SLC22A2: variants seen among roughly 807,000 people sequenced by gnomAD.
The protein encoded by SLC22A2 is organic cation transporter 2.
SLC22A2 carries 46 observed loss-of-function variants against 60.5 expected under a neutral mutation model. That is an observed-to-expected ratio of 0.76 (90% CI 0.60 to 0.97). The LOEUF (loss-of-function observed/expected upper bound fraction) is 0.97. Ranked by LOEUF, SLC22A2 falls within the 50% of genes least tolerant of loss-of-function variation. The probability of loss-of-function intolerance (pLI) is 0.00; values close to 1 mark genes in which losing one functional copy is unlikely to be tolerated. For synonymous variants in SLC22A2, 303 were observed against 267.0 expected (o/e 1.13, Z -1.31); for missense variants, 701 against 706.6 (o/e 0.99, Z 0.09).
chr6:160,217,340 G>A lies in SLC22A2; in HGVS notation c.*92C>T, dbSNP rs1411987348. The A allele has an allele frequency of 1.3e-6, 1 of 768,638 alleles. No individual in the cohort carries two copies. Among genetic ancestry groups the A allele is most frequent in the Non-Finnish European group, 2.2e-6 (1 of 459,908 alleles). 47.6% of individuals were successfully genotyped at this position (768,638 alleles called of 1,614,324 possible). ...AGGGCTCAGGGGTAAGTTTGGTTGA[G>A]TTGTATGGGCTTTGTGATGAGTGCA... On this transcript the variant is annotated 3_prime_UTR_variant, in exon 11 of 11. Coordinates refer to ENST00000366953, the MANE Select transcript of SLC22A2 (RefSeq NM_003058.4).
chr6:160,228,189 G>A (rs1186910428), intron 9 of SLC22A2, among the ~76,000 whole-genome samples: 2 of 152,168 alleles, frequency 1.3e-5, no homozygotes, highest in Non-Finnish European at 2.9e-5. Flanking sequence ...TTGGGGTCTG[G>A]ATCGGACACC....
intron 2 of SLC22A2, among the ~76,000 whole-genome samples, chr6:160,254,361 C>CT (rs767626448): frequency 7.2e-5 from 11 of 152,096 alleles, no homozygotes; most frequent in Non-Finnish European, 1.6e-4. Flanking sequence ...TGAGGAATTG[C>CT]TTTTTTGTCT....
chr6:160,221,209 T>C (rs1046913103), intron 10 of SLC22A2, among the ~76,000 whole-genome samples: 36 of 152,244 alleles, frequency 2.4e-4, no homozygotes, highest in African/African-American at 8.4e-4. Context: ...TGCTGCTTCA[T>C]TTTGCACTTT....
chr6:160,218,294 A>G, intron 10 of SLC22A2: 1 of 186,278 alleles, frequency 5.4e-6, no homozygotes, highest in Non-Finnish European at 1.0e-5. Flanking sequence ...GCCAACAACA[A>G]TAACAACAAC....
intron 9 of SLC22A2, among the ~76,000 whole-genome samples, chr6:160,238,057 GC>G (rs1300406530): frequency 1.3e-5 from 2 of 152,220 alleles, no homozygotes; most frequent in Non-Finnish European, 2.9e-5. Flanking sequence ...GCAACAAGCA[GC>G]CCTCAGGGCT....
chr6:160,247,356 C>T (rs1562437214), intron 4 of SLC22A2, 58 bp from the exon 5 acceptor site: 4 of 896,654 alleles, frequency 4.5e-6, no homozygotes, highest in Admixed American at 3.7e-5. Flanking sequence ...CCCCATCCCC[C>T]ATTTTTTTAT....
intron 9 of SLC22A2, among the ~76,000 whole-genome samples, chr6:160,239,313 G>A (rs1263164060): frequency 6.6e-6 from 1 of 152,106 alleles, no homozygotes; most frequent in East Asian, 1.9e-4. Context: ...TCCACTCCTT[G>A]TTTAGCATAT....
chr6:160,226,664 A>G, intron 9 of SLC22A2, among the ~76,000 whole-genome samples: 1 of 152,154 alleles, frequency 6.6e-6, no homozygotes, highest in Admixed American at 6.5e-5. Context: ...AGGCTGCCTG[A>G]TTCTCGAATC....
intron 7 of SLC22A2, 134 bp downstream of exon 7, chr6:160,243,438 C>T (rs1783043131): frequency 1.4e-6 from 1 of 718,838 alleles, no homozygotes; most frequent in Non-Finnish European, 2.4e-6. Context: ...CAGAAGGGTC[C>T]CAGATACTGC....
chr6:160,232,557 A>G (rs1782841415), intron 9 of SLC22A2, among the ~76,000 whole-genome samples: 1 of 133,600 alleles, frequency 7.5e-6, no homozygotes, highest in Non-Finnish European at 1.6e-5. Context: ...AGGGTCCTCC[A>G]TCATTAATGC....
At position 160,247,214 on chromosome 6, in the gene SLC22A2, T is replaced by G. The variant is rs201491459; in HGVS notation, c.927A>C (p.Lys309Asn). Residue 309 changes from lysine to asparagine, a missense_variant, in exon 5 of 11, where the codon AAA becomes AAC. Transcript: ENST00000366953. The part of the protein sequence containing the change: ...AMRIIKHIAK[K>N]NGKSLPASLQ... ...GGGAGGCGGGTAGAGATTTTCCATT[T>G]TTCTTTGCGATGTGCTTAATGATTC... The G allele has an allele frequency of 2.5e-5, 41 of 1,612,648 alleles. No homozygotes were observed. Among genetic ancestry groups the G allele is most frequent in the Non-Finnish European group, 3.1e-5 (37 of 1,178,764 alleles).
intron 9 of SLC22A2, among the ~76,000 whole-genome samples, chr6:160,236,451 T>C (rs768007616): frequency 7.9e-5 from 12 of 152,240 alleles, no homozygotes; most frequent in Non-Finnish European, 1.3e-4. Context: ...GTGAAAAACT[T>C]TGGAGCACAT....
intron 9 of SLC22A2, among the ~76,000 whole-genome samples, chr6:160,238,178 C>G (rs1203973665): frequency 6.6e-6 from 1 of 152,214 alleles, no homozygotes; most frequent in Non-Finnish European, 1.5e-5. Flanking sequence ...GATCCAAGAA[C>G]CCTCTCTTGG....
In SLC22A2 at chr6:160,233,424, G is replaced by C. The variant is rs537690097; in HGVS notation, c.1501+8050C>G. 7.9e-5 allele frequency among the ~76,000 whole-genome samples: 12 copies of C among 151,790 alleles called. No individual in the cohort carries two copies. In the East Asian group the frequency reaches 2.1e-3, roughly 27 times the overall value. Reference sequence around the variant, plus strand: ...TACCCCTTATCATCCTCAATCTTCAGGAAAGGTAAAATGGACTAATGGTCT... The same window carrying C: ...TACCCCTTATCATCCTCAATCTTCACGAAAGGTAAAATGGACTAATGGTCT... On this transcript the variant is annotated intron_variant, in intron 9 of 10. Transcript: ENST00000366953.
intron 2 of SLC22A2, among the ~76,000 whole-genome samples, 179 bp from the exon 3 acceptor site, chr6:160,250,881 A>G (rs956574047): frequency 3.3e-5 from 5 of 152,208 alleles, no homozygotes. Context: ...TCCAGGTAGC[A>G]CTTTTCATCA....
At chr6:160,246,639 A>C (rs1046717779) in intron 5 of SLC22A2, among the ~76,000 whole-genome samples, 3 of 152,060 alleles carry the variant, frequency 2.0e-5, no homozygotes, top group Admixed American at 1.3e-4. Flanking sequence ...TCTGGCTACT[A>C]GGGAGGCTGA....
At chr6:160,240,597 G>A (rs1359962978) in intron 9 of SLC22A2, among the ~76,000 whole-genome samples, 1 of 152,184 alleles carries the variant, frequency 6.6e-6, no homozygotes, top group Non-Finnish European at 1.5e-5. Context: ...CTGGAAGAGG[G>A]TGTTGCATGA....
In SLC22A2 at chr6:160,258,341, T is replaced by C; in HGVS notation, c.414+3A>G. Reference sequence around the variant, plus strand: ...CATCTGAGCCCTGAGCTCACTCTCTTACCTCGGTGACGATGGACGAGCCAG... The same window carrying C: ...CATCTGAGCCCTGAGCTCACTCTCTCACCTCGGTGACGATGGACGAGCCAG... On this transcript the variant is annotated splice_donor_region_variant and intron_variant, in intron 1 of 10. Coordinates refer to ENST00000366953, the MANE Select transcript of SLC22A2 (RefSeq NM_003058.4). 6.2e-7 allele frequency: 1 copy of C among 1,602,542 alleles called. No homozygotes were observed. The highest frequency in any genetic ancestry group is 8.5e-7 in the Non-Finnish European group (1 of 1,174,816).
At chr6:160,255,530 T>G (rs1235730137) in intron 2 of SLC22A2, among the ~76,000 whole-genome samples, 1 of 152,234 alleles carries the variant, frequency 6.6e-6, no homozygotes, top group African/African-American at 2.4e-5. Flanking sequence ...GCATTGACTT[T>G]ACCATGTATT....
Sources: allele counts gnomAD v4.1 joint callset (sites outside exome capture counted in the v4.1 genomes callset), GRCh38; gene constraint gnomAD v4.1.1; transcripts MANE v1.5; gene names NCBI Gene and HGNC (gene_info 2026-07-23, HGNC 2026-07-21).